Variants in MAP3K5 observed in about 807,000 individuals in gnomAD.
The protein encoded by MAP3K5 is ASK-1.
Under a neutral mutation model 158.7 loss-of-function variants are expected in MAP3K5, and 56 were observed. That is an observed-to-expected ratio of 0.35 (90% confidence interval 0.28 to 0.44). The LOEUF is 0.44. Ranked by LOEUF, MAP3K5 falls within the 20% of genes least tolerant of loss-of-function variation. The probability of loss-of-function intolerance (pLI) is 1.00; values close to 1 mark genes in which losing one functional copy is unlikely to be tolerated. For synonymous variants in MAP3K5, 579 were observed against 601.7 expected, an observed-to-expected ratio of 0.96 and a Z score of 0.55; for missense variants, 1,294 against 1,674.8, an observed-to-expected ratio of 0.77 and a Z score of 3.97.
At chr6:136,706,161 G>T (rs1473362587) in intron 2 of MAP3K5, among the ~76,000 whole-genome samples, 3 of 152,100 alleles carry the variant, frequency 2.0e-5, no homozygotes, top group African/African-American at 7.2e-5. Flanking sequence ...AGCTACTCAG[G>T]AGGCTGAGGC....
intron 1 of MAP3K5, among the ~76,000 whole-genome samples, chr6:136,759,318 C>T (rs553393726): frequency 5.3e-4 from 81 of 151,730 alleles, no homozygotes; most frequent in African/African-American, 1.9e-3. Context: ...GAAGTTGATT[C>T]ATGAATGTAC....
At chr6:136,567,229 T>G (rs9321561) in intron 26 of MAP3K5, among the ~76,000 whole-genome samples, 7,977 of 152,310 alleles carry the variant, frequency 0.052, 659 homozygotes, top group African/African-American at 0.18. Flanking sequence ...TAATTAGTTT[T>G]GTTCCCTCGA....
rs1220135368 is a variant in MAP3K5, at chr6:136,659,330, A to G, written c.1415T>C (p.Leu472Pro). ...AAATCCAACTTCCCAGTAGCTCTGGAGTTTTTCCAAGTTTCCCTTTTTACC... is the reference window on the plus strand; with the variant it reads ...AAATCCAACTTCCCAGTAGCTCTGGGGTTTTTCCAAGTTTCCCTTTTTACC... ...LLGKKGNLEK[L>P]QSYWEVGFFL... Residue 472 changes from leucine to proline, a missense_variant, in exon 9 of 30, where the codon CTC (leucine) becomes CCC (proline). Physicochemically the swap from Leu to Pro is moderately conservative, Grantham distance 98. Transcript: ENST00000359015. The G allele has an allele frequency of 1.2e-6, 2 of 1,614,096 alleles. No homozygotes were observed. The highest frequency in any genetic ancestry group is 3.3e-5 in the Admixed American group (2 of 60,022).
chr6:136,625,204 T>C (rs894591873), intron 14 of MAP3K5, among the ~76,000 whole-genome samples: 4 of 152,232 alleles, frequency 2.6e-5, no homozygotes, highest in African/African-American at 7.2e-5. Context: ...CTAGTCTTTG[T>C]AGCAACTACT....
At chr6:136,599,181 G>A (rs768433026) in intron 21 of MAP3K5, among the ~76,000 whole-genome samples, 1 of 143,320 alleles carries the variant, frequency 7.0e-6, no homozygotes, top group African/African-American at 2.6e-5. Flanking sequence ...GGGGGGGGGC[G>A]TGGATTTTAG....
At chr6:136,672,191 T>C (rs1294703499) in intron 7 of MAP3K5, among the ~76,000 whole-genome samples, 2 of 152,186 alleles carry the variant, frequency 1.3e-5, no homozygotes, top group Non-Finnish European at 2.9e-5. Context: ...CCAAGTAAGA[T>C]GTAGTCGTCT....
At position 136,791,792 on chromosome 6, in the gene MAP3K5, T is replaced by C; in HGVS notation, c.366A>G (p.Thr122=). 6.2e-7 allele frequency: 1 copy of C among 1,613,682 alleles called. No individual in the cohort carries two copies. Among genetic ancestry groups the C allele is most frequent in the Non-Finnish European group, 8.5e-7 (1 of 1,180,020 alleles). Residue 122 remains threonine (T), a synonymous_variant, in exon 1 of 30, where the codon ACA becomes ACG. Coordinates refer to ENST00000359015, the MANE Select transcript of MAP3K5 (RefSeq NM_005923.4). ...ALQSLREACE[T]VGATLETLHF... ...GCAGGGTTTCCAGGGTGGCGCCCAC[T>C]GTCTCGCACGCCTCCCGCAAGCTCT... is the stretch of plus-strand genomic sequence containing the variant.
At chr6:136,767,358 G>C (rs1396945503) in intron 1 of MAP3K5, among the ~76,000 whole-genome samples, 1 of 151,706 alleles carries the variant, frequency 6.6e-6, no homozygotes, top group African/African-American at 2.4e-5. Context: ...AGAAAGAAGG[G>C]AGGAAGGAGG....
At chr6:136,646,299 G>C (rs1778252614) in intron 11 of MAP3K5, among the ~76,000 whole-genome samples, 1 of 152,106 alleles carries the variant, frequency 6.6e-6, no homozygotes, top group Admixed American at 6.5e-5. Flanking sequence ...ACTTAAATTT[G>C]TAACCCTATT....
Position 136,613,371 on chromosome 6 carries a change from G to GTATAGCTCCT in MAP3K5, c.2279-116_2279-115insAGGAGCTATA. 1 of 838,526 alleles carries GTATAGCTCCT rather than the reference G, an allele frequency of 1.2e-6. No individual in the cohort carries two copies. Among genetic ancestry groups the GTATAGCTCCT allele is most frequent in the Non-Finnish European group, 1.8e-6 (1 of 568,404 alleles). The allele number at this position is 838,526 out of a possible 1,614,324, so 51.9% of individuals were successfully genotyped here. ...GTCATTGGTTCTTCACAGTGGCCCA[G>GTATAGCTCCT]GAGCTATACTGGATATCGGGCTCAA... On this transcript the variant is annotated intron_variant, in intron 16 of 29. Transcript: ENST00000359015. The surrounding 1 kb of genome is among the most constrained non-coding windows in gnomAD (Gnocchi z 4.0).
intron 1 of MAP3K5, among the ~76,000 whole-genome samples, chr6:136,779,360 T>C (rs1230477478): frequency 1.3e-5 from 2 of 151,570 alleles, no homozygotes; most frequent in Non-Finnish European, 2.9e-5. Flanking sequence ...GGAGGATCAC[T>C]TGAGTCTGGA....
At chr6:136,667,095 G>T (rs1198692766) in intron 8 of MAP3K5, among the ~76,000 whole-genome samples, 1 of 152,128 alleles carries the variant, frequency 6.6e-6, no homozygotes, top group Non-Finnish European at 1.5e-5. Context: ...CATTGTCATT[G>T]CTTTGCCTAC....
chr6:136,601,464 G>T, intron 20 of MAP3K5, among the ~76,000 whole-genome samples: 1 of 152,076 alleles, frequency 6.6e-6, no homozygotes, highest in East Asian at 1.9e-4. Flanking sequence ...AGGCCCATTT[G>T]TGGTAATCTG....
At chr6:136,767,887 A>G (rs576630782) in intron 1 of MAP3K5, among the ~76,000 whole-genome samples, 2 of 152,248 alleles carry the variant, frequency 1.3e-5, no homozygotes, top group South Asian at 2.1e-4. Flanking sequence ...AAACTCACAC[A>G]TTTATGGTCA....
intron 1 of MAP3K5, among the ~76,000 whole-genome samples, chr6:136,770,362 G>A (rs1163608587): frequency 6.6e-6 from 1 of 152,058 alleles, no homozygotes; most frequent in Non-Finnish European, 1.5e-5. Context: ...AAAAGCAAGG[G>A]AAAAGATTTT....
At chr6:136,759,232 T>C (rs913092717) in intron 1 of MAP3K5, among the ~76,000 whole-genome samples, 1 of 152,042 alleles carries the variant, frequency 6.6e-6, no homozygotes, top group African/African-American at 2.4e-5. Context: ...GCCTTACTTA[T>C]TCATTCAAAA....
rs111252152 is a variant in MAP3K5 at position 136,765,084 on chromosome 6, T to C, written c.448+26626A>G. Among the ~76,000 whole-genome samples the C allele has an allele frequency of 2.6e-3, 389 of 152,260 alleles. 2 individuals carry two copies. The highest frequency in any genetic ancestry group is 8.6e-3 in the African/African-American group (358 of 41,548). On this transcript the variant is annotated intron_variant, in intron 1 of 29. Transcript: ENST00000359015. ...AAAAATTAGGAAGTCATCATTAGAT[T>C]CCCCCAATCAAATGTATAAGACAGT...
chr6:136,669,860 G>A (rs573819145), intron 7 of MAP3K5, among the ~76,000 whole-genome samples: 7 of 150,866 alleles, frequency 4.6e-5, no homozygotes, highest in Admixed American at 2.7e-4. Flanking sequence ...AAATGTAGTC[G>A]TCTACTTGGA....
At chr6:136,752,476 A>C (rs971455525) in intron 1 of MAP3K5, among the ~76,000 whole-genome samples, 13 of 152,072 alleles carry the variant, frequency 8.5e-5, no homozygotes, top group African/African-American at 3.1e-4. Context: ...CAATGGCGTG[A>C]TCTTGGCTCA....
Sources: allele counts gnomAD v4.1 joint callset (sites outside exome capture counted in the v4.1 genomes callset), GRCh38; gene constraint gnomAD v4.1.1; non-coding constraint Gnocchi (gnomAD v3.1); transcripts MANE v1.5; gene names NCBI Gene and HGNC (gene_info 2026-07-23, HGNC 2026-07-21).